Variants in CYRIB observed in about 807,000 individuals in gnomAD.
CYRIB encodes CYFIP related Rac1 interactor B.
In CYRIB, 8 loss-of-function variants were observed where a neutral mutation model predicts 44.2. The observed-to-expected ratio is 0.18, with a 90% CI of 0.11 to 0.33. The LOEUF is 0.33. Ranked by LOEUF, CYRIB falls within the 10% of genes least tolerant of loss-of-function variation. The pLI, the probability that CYRIB is intolerant of heterozygous loss-of-function variation, is 1.00. For synonymous variants in CYRIB, 131 were observed against 127.2 expected, an observed-to-expected ratio of 1.03 and a Z score of -0.20; for missense variants, 185 against 382.8, an observed-to-expected ratio of 0.48 and a Z score of 4.31.
chr8:129,950,342 G>A (rs1717073423), intron 2 of CYRIB, among the ~76,000 whole-genome samples: 1 of 152,250 alleles, frequency 6.6e-6, no homozygotes, highest in African/African-American at 2.4e-5. Context: ...GGCCATGGCA[G>A]ACGGATCACC....
chr8:129,962,375 T>G (rs2095301214), intron 2 of CYRIB, among the ~76,000 whole-genome samples: 1 of 152,066 alleles, frequency 6.6e-6, no homozygotes, highest in South Asian at 2.1e-4. Context: ...CCTGGGAGAC[T>G]GAGGCTGCAG....
chr8:129,927,404 C>T (rs1012859516), intron 1 of CYRIB, among the ~76,000 whole-genome samples: 5 of 152,166 alleles, frequency 3.3e-5, no homozygotes, highest in African/African-American at 7.2e-5. Flanking sequence ...AAAGAGGCTT[C>T]GGTCTGCTAA....
intron 1 of CYRIB, among the ~76,000 whole-genome samples, chr8:129,929,587 G>T (rs772573054): frequency 6.6e-6 from 1 of 152,032 alleles, no homozygotes; most frequent in Admixed American, 6.5e-5. Flanking sequence ...TTTACTGAAG[G>T]AATGATTAGG....
intron 1 of CYRIB, among the ~76,000 whole-genome samples, chr8:129,980,246 A>T (rs1381111453): frequency 6.8e-6 from 1 of 147,638 alleles, no homozygotes; most frequent in South Asian, 2.1e-4. Flanking sequence ...AAAAAAAAAA[A>T]GAAAAGAAAA....
intron 2 of CYRIB, among the ~76,000 whole-genome samples, chr8:129,952,050 G>C (rs1260532160): frequency 1.0e-5 from 1 of 95,524 alleles, no homozygotes; most frequent in Non-Finnish European, 2.5e-5. Context: ...TTTTGTTTTT[G>C]TTTATTTTTT....
chr8:129,943,667 T>C (rs71510392), upstream of CYRIB, among the ~76,000 whole-genome samples: 133,780 of 133,788 alleles, frequency 1, 66,886 homozygotes, highest in Middle Eastern at 1. Context: ...GGCGCAATCT[T>C]GGCTCACTGC....
At chr8:130,012,788 C>T (rs2060983) in intron 1 of CYRIB, among the ~76,000 whole-genome samples, 67,432 of 151,990 alleles carry the variant, frequency 0.44, 15,259 homozygotes, top group East Asian at 0.59. Flanking sequence ...ATATTGCTCT[C>T]AACCTCATGC....
chr8:129,997,632 G>A (rs570086802), intron 1 of CYRIB, among the ~76,000 whole-genome samples: 2 of 152,302 alleles, frequency 1.3e-5, no homozygotes, highest in South Asian at 2.1e-4. Flanking sequence ...GTCCCTGGTG[G>A]GAGATACGTG....
At position 129,864,293 on chromosome 8, in the gene CYRIB, A is replaced by G. The variant is rs1413304292; in HGVS notation, c.196-1959T>C. The stretch of plus-strand genomic sequence containing the variant: ...TGTAACAATCCTTTGTTCACATTCT[A>G]TAGTAATGAGAACATCTCAAAGAGA... On this transcript the variant is annotated intron_variant, in intron 4 of 11. Transcript: ENST00000519824. Among the ~76,000 whole-genome samples the G allele has an allele frequency of 3.3e-5, 5 of 152,370 alleles. No homozygotes were observed. In the South Asian group the frequency reaches 8.3e-4, roughly 25 times the overall value.
chr8:129,889,558 G>C (rs2064213553), intron 2 of CYRIB, among the ~76,000 whole-genome samples: 1 of 152,132 alleles, frequency 6.6e-6, no homozygotes. Flanking sequence ...TCATGGGAAG[G>C]GGTCAAACAT....
At chr8:129,896,560 T>C (rs957919463) in intron 2 of CYRIB, 1 of 151,384 alleles carries the variant, frequency 6.6e-6, no homozygotes, top group Non-Finnish European at 1.5e-5. Flanking sequence ...AAAATCCTGA[T>C]GACCAACAGT....
At chr8:130,003,061 G>C (rs2096943901) in intron 1 of CYRIB, among the ~76,000 whole-genome samples, 2 of 152,198 alleles carry the variant, frequency 1.3e-5, no homozygotes, top group Admixed American at 1.3e-4. Context: ...GAAGCCTATG[G>C]AATCAAATTA....
At chr8:130,000,619 G>A (rs2096887033) in intron 1 of CYRIB, among the ~76,000 whole-genome samples, 1 of 152,166 alleles carries the variant, frequency 6.6e-6, no homozygotes, top group Admixed American at 6.6e-5. Context: ...TTAAACCCAA[G>A]AGGTTGAGGT....
chr8:129,875,507 A>C (rs2058802300), intron 3 of CYRIB, among the ~76,000 whole-genome samples: 1 of 152,158 alleles, frequency 6.6e-6, no homozygotes, highest in Non-Finnish European at 1.5e-5. Flanking sequence ...CACTGCACCT[A>C]GCTCGATTGA....
intron 1 of CYRIB, among the ~76,000 whole-genome samples, chr8:129,907,554 G>A (rs1410112248): frequency 6.6e-6 from 1 of 152,010 alleles, no homozygotes; most frequent in Non-Finnish European, 1.5e-5. Context: ...TAACAAACCT[G>A]CACATTGTGC....
intron 10 of CYRIB, 150 bp from the exon 13 acceptor site, chr8:129,847,024 C>T: frequency 3.8e-6 from 2 of 530,696 alleles, no homozygotes; most frequent in Non-Finnish European, 6.4e-6. Context: ...CAGAAAAAAA[C>T]CCAACCTAAG....
At chr8:129,855,580 C>G in intron 6 of CYRIB, 31 bp downstream of exon 8, 1 of 1,611,246 alleles carries the variant, frequency 6.2e-7, no homozygotes, top group Non-Finnish European at 8.5e-7. Flanking sequence ...TCATGATTTT[C>G]GTAACAATCA....
chr8:129,916,565 C>T (rs923342561), intron 1 of CYRIB, among the ~76,000 whole-genome samples: 5 of 152,198 alleles, frequency 3.3e-5, no homozygotes, highest in Admixed American at 2.6e-4. Flanking sequence ...CATTCCAGTA[C>T]TGAAATCTGT....
intron 1 of CYRIB, among the ~76,000 whole-genome samples, chr8:130,011,349 T>C (rs1024070252): frequency 9.9e-5 from 15 of 151,996 alleles, no homozygotes; most frequent in African/African-American, 3.1e-4. Context: ...GGGGAAACCC[T>C]GTCTCTACTA....
Sources: gnomAD v4.1 joint callset for allele counts (sites outside exome capture counted in the v4.1 genomes callset) on GRCh38, gnomAD v4.1.1 for gene constraint, MANE v1.5 for transcripts, NCBI Gene and HGNC (gene_info 2026-07-23, HGNC 2026-07-21) for gene names.